Variants in SEZ6L observed in about 807,000 individuals in gnomAD.
SEZ6L encodes the protein seizure related 6 homolog like, also known as seizure 6-like protein.
SEZ6L carries 37 observed loss-of-function variants against 106.2 expected under a neutral mutation model. The ratio of observed to expected loss-of-function variants is 0.35; its 90% CI spans 0.27 to 0.46. SEZ6L has a LOEUF of 0.46. SEZ6L is among the 20% of genes least tolerant of loss of function. The probability of loss-of-function intolerance (pLI) is 1.00; values close to 1 mark genes in which losing one functional copy is unlikely to be tolerated. For synonymous variants in SEZ6L, 541 were observed against 570.4 expected, an observed-to-expected ratio of 0.95 and a Z score of 0.73; for missense variants, 1,172 against 1,332.8, an observed-to-expected ratio of 0.88 and a Z score of 1.88.
At chr22:26,281,898 G>C (rs947318308) in intron 1 of SEZ6L, among the ~76,000 whole-genome samples, 8 of 152,060 alleles carry the variant, frequency 5.3e-5, no homozygotes, top group Admixed American at 1.3e-4. Context: ...CGGAATCCTT[G>C]GTCATCTCTC....
At chr22:26,207,226 G>A in intron 1 of SEZ6L, among the ~76,000 whole-genome samples, 1 of 152,186 alleles carries the variant, frequency 6.6e-6, no homozygotes, top group Non-Finnish European at 1.5e-5. Context: ...AGGCACCACA[G>A]TATTCCATTC....
At chr22:26,324,170 A>G (rs1262983792) in intron 9 of SEZ6L, among the ~76,000 whole-genome samples, 1 of 152,092 alleles carries the variant, frequency 6.6e-6, no homozygotes, top group Non-Finnish European at 1.5e-5. Context: ...TCCATCTTAC[A>G]GAAGAAGAAA....
At chr22:26,332,586 A>G (rs2082520938) in intron 9 of SEZ6L, among the ~76,000 whole-genome samples, 1 of 152,068 alleles carries the variant, frequency 6.6e-6, no homozygotes, top group Admixed American at 6.6e-5. Flanking sequence ...AGCTGGGACC[A>G]CAGGCATGTG....
chr22:26,372,749 C>G (rs1484874488), intron 13 of SEZ6L, among the ~76,000 whole-genome samples: 1 of 152,118 alleles, frequency 6.6e-6, no homozygotes, highest in Non-Finnish European at 1.5e-5. Flanking sequence ...TGATGTTGAA[C>G]CTCCGGAGAA....
chr22:26,244,904 G>A lies in SEZ6L; in HGVS notation c.95-47502G>A, dbSNP rs149732505. On this transcript the variant is annotated intron_variant, in intron 1 of 16. Transcript: ENST00000248933. Reference sequence around the variant, plus strand: ...AGAGACAGAGAGGGAGACTTAAATAGCAGAACGAGGGGTTTGTGTTTGCTC... The same window carrying A: ...AGAGACAGAGAGGGAGACTTAAATAACAGAACGAGGGGTTTGTGTTTGCTC... Among the ~76,000 whole-genome samples, 619 of 152,268 alleles carry A rather than the reference G, an allele frequency of 4.1e-3. 8 individuals carry two copies. Among genetic ancestry groups the A allele is most frequent in the African/African-American group, 0.014 (598 of 41,560 alleles).
At chr22:26,249,768 T>C (rs2079505668) in intron 1 of SEZ6L, among the ~76,000 whole-genome samples, 1 of 152,248 alleles carries the variant, frequency 6.6e-6, no homozygotes, top group African/African-American at 2.4e-5. Flanking sequence ...TTTTCCATAA[T>C]GGCTATACTA....
intron 9 of SEZ6L, among the ~76,000 whole-genome samples, chr22:26,339,905 A>G (rs2145987563): frequency 6.6e-6 from 1 of 152,290 alleles, no homozygotes; most frequent in East Asian, 1.9e-4. Flanking sequence ...AATGAGTCCC[A>G]TGCAGCCAAG....
At chr22:26,196,120 C>A (rs535773091) in intron 1 of SEZ6L, among the ~76,000 whole-genome samples, 1 of 152,232 alleles carries the variant, frequency 6.6e-6, no homozygotes, top group South Asian at 2.1e-4. Flanking sequence ...TAGTTTAGCA[C>A]CATCTTCTTG....
intron 16 of SEZ6L, 130 bp from the exon 17 acceptor site, chr22:26,380,136 C>A (rs1334207261): frequency 1.4e-6 from 1 of 738,828 alleles, no homozygotes; most frequent in South Asian, 1.9e-5. Flanking sequence ...AAATCAGGGT[C>A]AGAGTGGGAG....
chr22:26,367,915 A>T (rs528285507), intron 13 of SEZ6L, among the ~76,000 whole-genome samples: 2 of 152,222 alleles, frequency 1.3e-5, no homozygotes, highest in Non-Finnish European at 2.9e-5. Context: ...AGAAAATTGC[A>T]TCTTAGAATC....
At chr22:26,243,029 C>G (rs1022893328) in intron 1 of SEZ6L, among the ~76,000 whole-genome samples, 5 of 152,174 alleles carry the variant, frequency 3.3e-5, no homozygotes, top group African/African-American at 9.7e-5. Context: ...GTTTGCCTTG[C>G]AACCCTTGGT....
chr22:26,290,599 C>G (rs967924422), intron 1 of SEZ6L, among the ~76,000 whole-genome samples: 1 of 152,210 alleles, frequency 6.6e-6, no homozygotes, highest in Middle Eastern at 3.4e-3. Flanking sequence ...AAAAATAAAT[C>G]GCAAGGATGG....
At chr22:26,271,559 T>C (rs879174657) in intron 1 of SEZ6L, among the ~76,000 whole-genome samples, 3 of 152,214 alleles carry the variant, frequency 2.0e-5, no homozygotes, top group Non-Finnish European at 4.4e-5. Context: ...CGTCTTTCCC[T>C]TGGTGATGAA....
At chr22:26,229,107 C>A (rs371666727) in intron 1 of SEZ6L, among the ~76,000 whole-genome samples, 1 of 152,204 alleles carries the variant, frequency 6.6e-6, no homozygotes, top group South Asian at 2.1e-4. Context: ...AGCGATTCTC[C>A]TGCCTCAGCC....
At chr22:26,301,181 G>T (rs2081442192) in intron 5 of SEZ6L, among the ~76,000 whole-genome samples, 1 of 152,206 alleles carries the variant, frequency 6.6e-6, no homozygotes, top group Non-Finnish European at 1.5e-5. Context: ...AATTGTTGGA[G>T]GTAGCCTGCT....
chr22:26,251,215 G>C (rs189656591), intron 1 of SEZ6L, among the ~76,000 whole-genome samples: 4 of 152,060 alleles, frequency 2.6e-5, no homozygotes, highest in Non-Finnish European at 5.9e-5. Context: ...GCCTTGTCTT[G>C]TTCTAGTTCT....
At chr22:26,291,509 G>A (rs1162086733) in intron 1 of SEZ6L, among the ~76,000 whole-genome samples, 6 of 152,138 alleles carry the variant, frequency 3.9e-5, no homozygotes, top group Admixed American at 2.6e-4. Flanking sequence ...AATACCTAGC[G>A]TGGGTTGATA....
intron 1 of SEZ6L, among the ~76,000 whole-genome samples, chr22:26,257,278 A>G (rs140587388): frequency 5.9e-5 from 9 of 152,338 alleles, no homozygotes; most frequent in Admixed American, 1.3e-4. Flanking sequence ...GAAGCACCCA[A>G]TGCAAAATAC....
chr22:26,350,839 G>A (rs2083253110), intron 11 of SEZ6L, among the ~76,000 whole-genome samples: 1 of 151,900 alleles, frequency 6.6e-6, no homozygotes, highest in African/African-American at 2.4e-5. Context: ...TGTGTTTTTA[G>A]TAGAGACGGG....
Sources: allele counts gnomAD v4.1 joint callset (sites outside exome capture counted in the v4.1 genomes callset), GRCh38; gene constraint gnomAD v4.1.1; transcripts MANE v1.5; gene names NCBI Gene and HGNC (gene_info 2026-07-23, HGNC 2026-07-21).